NKAIN2: variants seen among roughly 807,000 people sequenced by gnomAD.
NKAIN2 encodes the protein sodium/potassium transporting ATPase interacting 2.
In NKAIN2, 14 loss-of-function variants were observed where a neutral mutation model predicts 32.6. The observed-to-expected ratio is 0.43, with a 90% CI of 0.28 to 0.67. The LOEUF (loss-of-function observed/expected upper bound fraction) is 0.67. NKAIN2 is among the 30% of genes least tolerant of loss of function. NKAIN2 has a pLI of 0.17. For missense variants in NKAIN2, 198 were observed against 258.3 expected (o/e 0.77, Z 1.60); for synonymous variants, 80 against 87.2 (o/e 0.92, Z 0.46).
At chr6:123,913,991 T>C (rs1211129913) in intron 1 of NKAIN2, among the ~76,000 whole-genome samples, 5 of 152,148 alleles carry the variant, frequency 3.3e-5, no homozygotes, top group Non-Finnish European at 7.4e-5. Context: ...TATTACCTCA[T>C]TTCATCTTTA....
At chr6:123,855,671 A>T (rs969403830) in intron 1 of NKAIN2, among the ~76,000 whole-genome samples, 15 of 152,248 alleles carry the variant, frequency 9.9e-5, no homozygotes, top group Admixed American at 2.6e-4. Flanking sequence ...AATGGAAATG[A>T]GACAGATATG....
chr6:124,251,903 G>A (rs1369074138), intron 1 of NKAIN2, among the ~76,000 whole-genome samples: 5 of 151,958 alleles, frequency 3.3e-5, no homozygotes, highest in Non-Finnish European at 7.4e-5. Context: ...AACCTGCAAA[G>A]AAGATATATA....
At chr6:123,805,219 C>T (rs1230202201) in intron 1 of NKAIN2, among the ~76,000 whole-genome samples, 2 of 152,176 alleles carry the variant, frequency 1.3e-5, no homozygotes, top group Non-Finnish European at 2.9e-5. Context: ...TATAAATTAA[C>T]TGGAATAGTC....
At chr6:124,287,513 A>G (rs954773355) in intron 2 of NKAIN2, among the ~76,000 whole-genome samples, 2 of 152,214 alleles carry the variant, frequency 1.3e-5, no homozygotes, top group African/African-American at 4.8e-5. Flanking sequence ...CATTAGTGCC[A>G]TAGAGAGCTT....
At chr6:124,244,282 T>G (rs1325909487) in intron 1 of NKAIN2, among the ~76,000 whole-genome samples, 5 of 126,314 alleles carry the variant, frequency 4.0e-5, no homozygotes, top group African/African-American at 1.2e-4. Context: ...GATGTTCCCC[T>G]TCCTGTGTCC....
intron 1 of NKAIN2, among the ~76,000 whole-genome samples, chr6:124,263,037 A>T (rs1412288944): frequency 6.6e-6 from 1 of 152,214 alleles, no homozygotes; most frequent in East Asian, 1.9e-4. Flanking sequence ...CCATTTAGTA[A>T]GTGTTGCTTG....
At chr6:124,506,424 G>T (rs2114761191) in intron 3 of NKAIN2, among the ~76,000 whole-genome samples, 1 of 152,330 alleles carries the variant, frequency 6.6e-6, no homozygotes, top group South Asian at 2.1e-4. Flanking sequence ...TTAAAACGCA[G>T]TCTCTGCCCA....
intron 1 of NKAIN2, among the ~76,000 whole-genome samples, chr6:123,883,946 T>A (rs1041582565): frequency 6.6e-6 from 1 of 151,534 alleles, no homozygotes; most frequent in Non-Finnish European, 1.5e-5. Flanking sequence ...TACAGTTTTT[T>A]AAATTATTAT....
At chr6:123,917,478 A>T (rs1172052761) in intron 1 of NKAIN2, among the ~76,000 whole-genome samples, 1 of 152,200 alleles carries the variant, frequency 6.6e-6, no homozygotes, top group Non-Finnish European at 1.5e-5. Flanking sequence ...TCTGTCTAAA[A>T]GTTTGTTGTA....
At chr6:124,049,978 G>C (rs1782329866) in intron 1 of NKAIN2, among the ~76,000 whole-genome samples, 1 of 151,964 alleles carries the variant, frequency 6.6e-6, no homozygotes, top group Non-Finnish European at 1.5e-5. Context: ...AACATATGCC[G>C]AGTTTTCTAA....
intron 1 of NKAIN2, among the ~76,000 whole-genome samples, chr6:123,945,983 G>A (rs235670): frequency 0.096 from 14,630 of 151,944 alleles, 1,836 homozygotes; most frequent in African/African-American, 0.29. Context: ...TAAACTTAAC[G>A]TTTTCCTTAT....
chr6:124,229,664 A>T (rs1204267587), intron 1 of NKAIN2, among the ~76,000 whole-genome samples: 2 of 152,018 alleles, frequency 1.3e-5, no homozygotes, highest in African/African-American at 4.8e-5. Context: ...TGAACCATGG[A>T]AGTGGGTCTT....
At chr6:124,599,186 C>A (rs1019264953) in intron 3 of NKAIN2, among the ~76,000 whole-genome samples, 1 of 151,556 alleles carries the variant, frequency 6.6e-6, no homozygotes, top group African/African-American at 2.4e-5. Flanking sequence ...CCTTAAAGTC[C>A]TGGAAGTTTC....
At chr6:124,186,256 AAAAAG>A (rs1027467018) in intron 1 of NKAIN2, among the ~76,000 whole-genome samples, 1 of 151,984 alleles carries the variant, frequency 6.6e-6, no homozygotes, top group Non-Finnish European at 1.5e-5. Context: ...AAAGAAAAGA[AAAAAG>A]AAAAGAAAAG....
chr6:124,276,918 T>C (rs1795064606), intron 1 of NKAIN2, among the ~76,000 whole-genome samples: 1 of 152,060 alleles, frequency 6.6e-6, no homozygotes, highest in Admixed American at 6.6e-5. Flanking sequence ...TGTGGCAACA[T>C]CCAGCAAAGG....
chr6:124,069,775 C>T (rs1040806422), intron 1 of NKAIN2, among the ~76,000 whole-genome samples: 3 of 152,174 alleles, frequency 2.0e-5, no homozygotes, highest in Admixed American at 2.0e-4. Context: ...CAACCAAGGA[C>T]ATCTCTTGAT....
intron 1 of NKAIN2, among the ~76,000 whole-genome samples, chr6:124,173,321 A>C (rs1014199248): frequency 6.6e-6 from 1 of 152,144 alleles, no homozygotes; most frequent in Non-Finnish European, 1.5e-5. Flanking sequence ...TTTAGCATAT[A>C]TTACTTTTAG....
chr6:123,933,754 A>G (rs980199489), intron 1 of NKAIN2, among the ~76,000 whole-genome samples: 3 of 152,194 alleles, frequency 2.0e-5, no homozygotes, highest in African/African-American at 7.2e-5. Context: ...CCATTTACCC[A>G]GTCATAGGCG....
intron 1 of NKAIN2, among the ~76,000 whole-genome samples, chr6:124,237,139 C>A (rs958392816): frequency 3.3e-5 from 5 of 151,998 alleles, no homozygotes; most frequent in Admixed American, 1.3e-4. Flanking sequence ...ACAATACCGA[C>A]ATCAGAAAAT....
Sources: allele counts gnomAD v4.1 joint callset (sites outside exome capture counted in the v4.1 genomes callset), GRCh38; gene constraint gnomAD v4.1.1; transcripts MANE v1.5; gene names NCBI Gene and HGNC (gene_info 2026-07-23, HGNC 2026-07-21).